Variants in ARMC3 observed in about 807,000 individuals in gnomAD.
ARMC3 encodes armadillo repeat containing 3, also known as armadillo repeat-containing protein 3.
Under a neutral mutation model 90.3 loss-of-function variants are expected in ARMC3, and 74 were observed. That is an observed-to-expected ratio of 0.82 (90% CI 0.68 to 0.99). The LOEUF (loss-of-function observed/expected upper bound fraction) is 0.99, where lower values mean the gene tolerates loss of function less well. Among genes scored for constraint, ARMC3 ranks in the 50% least tolerant of loss-of-function variants. The probability of loss-of-function intolerance (pLI) is 0.00; values close to 1 mark genes in which losing one functional copy is unlikely to be tolerated. For missense variants in ARMC3, 958 were observed against 1,042.8 expected, an observed-to-expected ratio of 0.92 and a Z score of 1.12; for synonymous variants, 334 against 361.8, an observed-to-expected ratio of 0.92 and a Z score of 0.87.
At chr10:23,030,217 C>A (rs893894854) in intron 16 of ARMC3, among the ~76,000 whole-genome samples, 10 of 152,134 alleles carry the variant, frequency 6.6e-5, no homozygotes, top group Non-Finnish European at 1.0e-4. Flanking sequence ...AAAATACAGT[C>A]ATTCCTCAGT....
intron 2 of ARMC3, among the ~76,000 whole-genome samples, chr10:22,938,405 T>G (rs1834195205): frequency 6.6e-6 from 1 of 152,076 alleles, no homozygotes; most frequent in Admixed American, 6.5e-5. Context: ...CGTTGGAAGG[T>G]GACAAAGAGA....
chr10:23,037,174 G>A (rs1588949409), intron 18 of ARMC3, 96 bp from the exon 19 acceptor site: 1 of 1,131,744 alleles, frequency 8.8e-7, no homozygotes, highest in East Asian at 2.4e-5. Context: ...CAAGACTTGT[G>A]TATTTCACCT....
At chr10:23,004,714 G>T (rs1364551937) in intron 13 of ARMC3, among the ~76,000 whole-genome samples, 3 of 152,114 alleles carry the variant, frequency 2.0e-5, no homozygotes, top group Admixed American at 6.5e-5. Context: ...TCGTGGTAGT[G>T]GAGAACTAGA....
At chr10:22,949,227 G>A (rs999566891) in intron 3 of ARMC3, among the ~76,000 whole-genome samples, 1 of 151,828 alleles carries the variant, frequency 6.6e-6, no homozygotes, top group African/African-American at 2.4e-5. Context: ...GCCCAAGAAG[G>A]TAAAATTCAC....
At chr10:22,990,971 CCCTCTCTGCTTCCTCTGCCTCCT>C (rs552842457) in intron 10 of ARMC3, among the ~76,000 whole-genome samples, 81 of 152,096 alleles carry the variant, frequency 5.3e-4, no homozygotes, top group South Asian at 2.7e-3. Context: ...TCCCTTCTCC[CCCTCTCTGCTTCCTCTGCCTCCT>C]CCTCTCTGCT....
chr10:22,981,135 A>G (rs1836164458), intron 8 of ARMC3, among the ~76,000 whole-genome samples: 1 of 152,200 alleles, frequency 6.6e-6, no homozygotes, highest in South Asian at 2.1e-4. Context: ...ATCTCATACA[A>G]GGGAATAGGA....
At chr10:22,963,912 CACACACACACAAAAAAAAAAAAAAAA>C (rs1308479325) in intron 7 of ARMC3, among the ~76,000 whole-genome samples, 1 of 31,524 alleles carries the variant, frequency 3.2e-5, no homozygotes, top group Non-Finnish European at 7.3e-5. Context: ...CACACACACA[CACACACACACAAAAAAAAAAAAAAAA>C]AAAAAAAAAA....
intron 2 of ARMC3, among the ~76,000 whole-genome samples, chr10:22,932,865 C>T (rs74535418): frequency 6.6e-6 from 1 of 152,204 alleles, no homozygotes; most frequent in African/African-American, 2.4e-5. Flanking sequence ...CCAACTGTGT[C>T]ATTGTGGCCA....
intron 10 of ARMC3, among the ~76,000 whole-genome samples, chr10:22,990,794 A>G (rs1165803038): frequency 6.6e-6 from 1 of 151,954 alleles, no homozygotes; most frequent in Non-Finnish European, 1.5e-5. Flanking sequence ...CATTTTCCCC[A>G]CCAGAAATTT....
At chr10:22,999,928 C>T (rs899278380) in intron 11 of ARMC3, among the ~76,000 whole-genome samples, 1 of 152,196 alleles carries the variant, frequency 6.6e-6, no homozygotes, top group African/African-American at 2.4e-5. Context: ...TGCTGGGTAT[C>T]AGGAGCACAG....
At chr10:22,982,252 C>T (rs1836225084) in intron 10 of ARMC3, among the ~76,000 whole-genome samples, 1 of 152,184 alleles carries the variant, frequency 6.6e-6, no homozygotes, top group Non-Finnish European at 1.5e-5. Context: ...GTGGCATGCG[C>T]CTGTAATCCC....
chr10:23,027,865 G>T (rs1267012457), intron 16 of ARMC3, among the ~76,000 whole-genome samples: 1 of 151,958 alleles, frequency 6.6e-6, no homozygotes, highest in Non-Finnish European at 1.5e-5. Flanking sequence ...TTCTATCCAG[G>T]CACGGTGGCT....
chr10:22,982,014 C>T (rs867112382), intron 10 of ARMC3, among the ~76,000 whole-genome samples: 3 of 152,126 alleles, frequency 2.0e-5, no homozygotes, highest in Non-Finnish European at 2.9e-5. Context: ...AAGACAAGAT[C>T]GGATGAGCAT....
rs1282588347 is a variant in ARMC3, at chr10:23,002,018, G to T, written c.1525G>T (p.Gly509Cys). 6.2e-7 allele frequency: 1 copy of T among 1,613,782 alleles called. No individual in the cohort carries two copies. The highest frequency in any genetic ancestry group is 8.5e-7 in the Non-Finnish European group (1 of 1,179,842). Reference protein sequence around the residue: ...HASWAVMVCAGDELTANELCR... With the variant: ...HASWAVMVCACDELTANELCR... ...CAGTTGGGCAGTGATGGTCTGTGCTGGTGACGAGCTGACGGCCAATGAATT... is the reference window on the plus strand; with the variant it reads ...CAGTTGGGCAGTGATGGTCTGTGCTTGTGACGAGCTGACGGCCAATGAATT... Residue 509 changes from glycine to cysteine, a missense_variant, in exon 12 of 19, where the codon GGT (glycine) becomes TGT (cysteine). Coordinates refer to ENST00000298032, the MANE Select transcript of ARMC3 (RefSeq NM_173081.5).
At chr10:22,986,512 A>G (rs1836448748) in intron 10 of ARMC3, among the ~76,000 whole-genome samples, 1 of 150,096 alleles carries the variant, frequency 6.7e-6, no homozygotes. Flanking sequence ...AGATCGCGCC[A>G]CTTCACTCCA....
Position 22,981,372 on chromosome 10 carries a change from G to T in ARMC3, c.949G>T (p.Val317Phe). ...ENRKLFHEQE[V>F]EKCLVALLGS... Reference sequence around the variant, plus strand: ...TAGAAAACTTTTTCATGAACAAGAGGTTGAAAAGTGCCTTGTAGCCCTTTT... The same window carrying T: ...TAGAAAACTTTTTCATGAACAAGAGTTTGAAAAGTGCCTTGTAGCCCTTTT... Residue 317 changes from valine to phenylalanine, a missense_variant, in exon 9 of 19, where the codon GTT becomes TTT. By Grantham distance (50) the Val-to-Phe change is conservative. Coordinates refer to ENST00000298032, the MANE Select transcript of ARMC3 (RefSeq NM_173081.5). 3 of 1,609,942 alleles carry T rather than the reference G, an allele frequency of 1.9e-6. No homozygotes were observed. The highest frequency in any genetic ancestry group is 2.5e-6 in the Non-Finnish European group (3 of 1,178,978).
chr10:22,967,472 T>G (rs768102260), intron 7 of ARMC3, among the ~76,000 whole-genome samples: 13 of 152,170 alleles, frequency 8.5e-5, no homozygotes, highest in Admixed American at 5.2e-4. Context: ...TCCCAATGCT[T>G]ACCCCAGAAG....
intron 1 of ARMC3, among the ~76,000 whole-genome samples, chr10:22,930,896 C>G (rs778150684): frequency 6.6e-5 from 10 of 152,012 alleles, no homozygotes; most frequent in African/African-American, 9.7e-5. Context: ...GATAGATTTC[C>G]TGGGTTATTC....
At chr10:22,987,756 A>AC (rs1248400154) in intron 10 of ARMC3, among the ~76,000 whole-genome samples, 1 of 152,050 alleles carries the variant, frequency 6.6e-6, no homozygotes, top group Non-Finnish European at 1.5e-5. Flanking sequence ...AATCTTAGAG[A>AC]CCCTTTTATT....
Sources: allele counts gnomAD v4.1 joint callset (sites outside exome capture counted in the v4.1 genomes callset), GRCh38; gene constraint gnomAD v4.1.1; transcripts MANE v1.5; gene names NCBI Gene and HGNC (gene_info 2026-07-23, HGNC 2026-07-21).